Variants in CNNM3 observed in about 807,000 individuals in gnomAD.
CNNM3 encodes the protein cyclin and CBS domain divalent metal cation transport mediator 3, also known as metal transporter CNNM3.
In CNNM3, 47 loss-of-function variants were observed where a neutral mutation model predicts 57.1. The observed-to-expected ratio is 0.82, with a 90% CI of 0.65 to 1.05. CNNM3 has a LOEUF of 1.05. Among genes scored for constraint, CNNM3 ranks in the 50% least tolerant of loss-of-function variants. CNNM3 has a pLI of 0.00. For synonymous variants in CNNM3, 507 were observed against 478.2 expected, an observed-to-expected ratio of 1.06 and a Z score of -0.79; for missense variants, 957 against 973.7, an observed-to-expected ratio of 0.98 and a Z score of 0.23.
At chr2:96,817,578 G>A in intron 1 of CNNM3, 76 bp downstream of exon 1, 2 of 1,444,142 alleles carry the variant, frequency 1.4e-6, no homozygotes, top group Non-Finnish European at 1.9e-6. Flanking sequence ...AGTTATGGAA[G>A]CCTTCTGGAA....
chr2:96,828,554 GT>G lies in CNNM3; in HGVS notation c.1787-11del, dbSNP rs1559013515. ...AGCATGGCTCCTGCCATCACTGATT[GT>G]TCCTTTGATAGTTCACCAGTCCCCG... is the stretch of plus-strand genomic sequence containing the variant. On this transcript the variant is annotated splice_polypyrimidine_tract_variant and intron_variant, in intron 5 of 7. Coordinates refer to ENST00000305510, the MANE Select transcript of CNNM3 (RefSeq NM_017623.5). 6.2e-7 allele frequency: 1 copy of G among 1,614,114 alleles called. No homozygotes were observed. Among genetic ancestry groups the G allele is most frequent in the Non-Finnish European group, 8.5e-7 (1 of 1,179,988 alleles).
At position 96,826,860 on chromosome 2, in the gene CNNM3, CT is replaced by C. The variant is rs1374473609; in HGVS notation, c.1399del (p.Ser467LeufsTer2). ...GACACCGTGGTGAAGAGGAAGCCTG[CT>C]TCTCTGATGGCCCCTCTGAAGCGGA... ...YRDTVVKRKP[A>X]SLMAPLKRKE... On this transcript the variant is annotated frameshift_variant, in exon 3 of 8. Transcript: ENST00000305510. LOFTEE classifies it high-confidence loss of function. 1 of 1,614,246 alleles carries C rather than the reference CT, an allele frequency of 6.2e-7. No individual in the cohort carries two copies. The highest frequency in any genetic ancestry group is 1.7e-5 in the Admixed American group (1 of 60,026).
intron 1 of CNNM3, among the ~76,000 whole-genome samples, chr2:96,822,817 T>C (rs1196991831): frequency 6.6e-6 from 1 of 152,260 alleles, no homozygotes; most frequent in Non-Finnish European, 1.5e-5. Flanking sequence ...ATTAACATCA[T>C]AGAAATTGGG....
At position 96,833,062 on chromosome 2, in the gene CNNM3, T is replaced by C. The variant is rs1574119947; in HGVS notation, c.*446T>C. ...AACCTATCGCTGCTGGCAGCACTTT[T>C]TGAGCAAGCCGAGAGCACCCATTTT... On this transcript the variant is annotated 3_prime_UTR_variant, in exon 8 of 8. Transcript: ENST00000305510. 3 of 1,278,214 alleles carry C rather than the reference T, an allele frequency of 2.3e-6. No individual in the cohort carries two copies. The highest frequency in any genetic ancestry group is 1.1e-4 in the East Asian group (2 of 18,128). The allele number at this position is 1,278,214 out of a possible 1,614,324, so 79.2% of individuals were successfully genotyped here. A position where few individuals can be genotyped will look rare whatever the true frequency, so the allele number is the denominator to read the frequency against.
In CNNM3 at chr2:96,817,180, C is replaced by G; in HGVS notation, c.903C>G (p.Tyr301Ter). Residue 301 changes from tyrosine (Y) to a stop codon, truncating the protein, a stop_gained, in exon 1 of 8, where the codon TAC becomes TAG. Coordinates refer to ENST00000305510, the MANE Select transcript of CNNM3 (RefSeq NM_017623.5). LOFTEE classifies it high-confidence loss of function. ...TGGCGCGCGGCGGCGGCGACCCCTACAGCGATCTCAGCAAGGGCGTGCTGC... is the reference window on the plus strand; with the variant it reads ...TGGCGCGCGGCGGCGGCGACCCCTAGAGCGATCTCAGCAAGGGCGTGCTGC... ...LELARGGGDP[Y>*]SDLSKGVLRC... 6.4e-7 allele frequency: 1 copy of G among 1,554,648 alleles called. No individual in the cohort carries two copies. Among genetic ancestry groups the G allele is most frequent in the Non-Finnish European group, 8.6e-7 (1 of 1,156,368 alleles).
Position 96,833,308 on chromosome 2 carries a change from C to A in CNNM3, c.*692C>A. The stretch of plus-strand genomic sequence containing the variant: ...GAGGGCCCCTTTCTGCTTCTCTGCC[C>A]ACCTGCTGAGTTGCCACTCGCAGTG... On this transcript the variant is annotated 3_prime_UTR_variant, in exon 8 of 8. Coordinates refer to ENST00000305510, the MANE Select transcript of CNNM3 (RefSeq NM_017623.5). 3.3e-6 allele frequency: 1 copy of A among 307,088 alleles called. No homozygotes were observed. Among genetic ancestry groups the A allele is most frequent in the Non-Finnish European group, 6.4e-6 (1 of 155,380 alleles). The allele number at this position is 307,088 out of a possible 1,614,324, so 19.0% of individuals were successfully genotyped here.
In CNNM3 at chr2:96,825,174, G is replaced by A. The variant is rs770890063; in HGVS notation, c.1342G>A (p.Glu448Lys). The A allele has an allele frequency of 3.7e-6, 6 of 1,614,158 alleles. No individual in the cohort carries two copies. The Admixed American group carries it at 5.0e-5, about 13-fold the overall frequency. ...CGTGATCGAGGAGATCATCAGGTCC[G>A]AGATCCTGGACGAGTCTGAAGACTA... Reference protein sequence around the residue: ...EDVIEEIIRSEILDESEDYRD... With the variant: ...EDVIEEIIRSKILDESEDYRD... Residue 448 changes from glutamate to lysine, a missense_variant, in exon 2 of 8, where the codon GAG becomes AAG. Transcript: ENST00000305510.
chr2:96,832,167 T>A, intron 7 of CNNM3: 1 of 1,013,606 alleles, frequency 9.9e-7, no homozygotes, highest in Non-Finnish European at 1.2e-6. Context: ...GGGGGCATTT[T>A]TCTCCAGGGG....
intron 6 of CNNM3, 136 bp from the exon 7 acceptor site, chr2:96,828,860 G>T: frequency 6.8e-7 from 1 of 1,481,256 alleles, no homozygotes; most frequent in South Asian, 1.3e-5. Flanking sequence ...AAAAACACTT[G>T]ACTCAGTTGC....
downstream of CNNM3, chr2:96,837,198 T>C (rs971637183): frequency 6.6e-6 from 1 of 152,248 alleles, no homozygotes; most frequent in South Asian, 2.1e-4. Context: ...GCTATAAATT[T>C]GTATATGAAT....
chr2:96,827,647 C>T, intron 3 of CNNM3, 84 bp from the exon 4 acceptor site: 1 of 1,429,526 alleles, frequency 7.0e-7, no homozygotes, highest in Non-Finnish European at 9.6e-7. Context: ...GGCACAATAA[C>T]TTTAAATTGC....
At chr2:96,828,821 C>T in intron 6 of CNNM3, 121 bp downstream of exon 6, 1 of 1,488,112 alleles carries the variant, frequency 6.7e-7, no homozygotes, top group African/African-American at 1.4e-5. Context: ...GGACACAGAC[C>T]TTTGCACCCA....
intron 1 of CNNM3, 42 bp from the exon 2 acceptor site, chr2:96,825,016 G>T (rs1379471188): frequency 6.2e-7 from 1 of 1,609,006 alleles, no homozygotes; most frequent in East Asian, 2.2e-5. Context: ...TCAAACTGGG[G>T]GGGGCCCAGC....
rs760290230 is a variant in CNNM3, at chr2:96,817,515, G to C, written c.1225+13G>C. 6.2e-7 allele frequency: 1 copy of C among 1,604,182 alleles called. No individual in the cohort carries two copies. The highest frequency in any genetic ancestry group is 8.5e-7 in the Non-Finnish European group (1 of 1,173,764). On this transcript the variant is annotated intron_variant, in intron 1 of 7. Coordinates refer to ENST00000305510, the MANE Select transcript of CNNM3 (RefSeq NM_017623.5). ...GAATTCAAGCGAGGTAACGGCCCGG[G>C]CATGGTGCAGGGGACGCCCGTGCGA...
At chr2:96,820,572 G>A (rs1050653720) in intron 1 of CNNM3, among the ~76,000 whole-genome samples, 37 of 152,178 alleles carry the variant, frequency 2.4e-4, no homozygotes, top group African/African-American at 8.4e-4. Context: ...AGGAGTTCCC[G>A]AGATGCGGAA....
At chr2:96,819,381 C>T (rs1429025199) in intron 1 of CNNM3, among the ~76,000 whole-genome samples, 2 of 152,212 alleles carry the variant, frequency 1.3e-5, no homozygotes, top group Non-Finnish European at 2.9e-5. Flanking sequence ...GGTGCAAAGT[C>T]CTCTGCTGTT....
At position 96,834,321 on chromosome 2, in the gene CNNM3, T is replaced by TTTTA. The variant is rs1240824411; in HGVS notation, c.*1716_*1719dup. Among the ~76,000 whole-genome samples the TTTTA allele has an allele frequency of 1.4e-4, 20 of 145,326 alleles. No individual in the cohort carries two copies. The highest frequency in any genetic ancestry group is 2.4e-4 in the Non-Finnish European group (16 of 67,574). ...AGAGTCGGCATCAGAGTTTTCAATT[T>TTTTA]TTTATTTATTTATTATTATTATTAT... On this transcript the variant is annotated 3_prime_UTR_variant, in exon 8 of 8. Transcript: ENST00000305510.
chr2:96,829,946 C>T (rs1427862760), intron 7 of CNNM3, among the ~76,000 whole-genome samples: 5 of 152,212 alleles, frequency 3.3e-5, no homozygotes, highest in East Asian at 3.9e-4. Flanking sequence ...AATATTTAAG[C>T]GTGGCCCATC....
chr2:96,828,999 A>G lies in CNNM3; in HGVS notation c.1924A>G (p.Thr642Ala), dbSNP rs746309611. ...CAGTAACGCTGTCATCCTCCAGGTT[A>G]CGCGACTGCAGTACCTCAATGCACT... is the stretch of plus-strand genomic sequence containing the variant. ...ALSDLQLIKV[T>A]RLQYLNALLA... Residue 642 changes from threonine to alanine, a missense_variant, in exon 7 of 8, where the codon ACG becomes GCG. This residue lies in a region of CNNM3 where 491 missense variants were observed against 570.6 expected (regional missense o/e 0.86). Coordinates refer to ENST00000305510, the MANE Select transcript of CNNM3 (RefSeq NM_017623.5). 1.2e-6 allele frequency: 2 copies of G among 1,613,684 alleles called. No individual in the cohort carries two copies. The highest frequency in any genetic ancestry group is 2.2e-5 in the East Asian group (1 of 44,862).
Sources: allele counts gnomAD v4.1 joint callset (sites outside exome capture counted in the v4.1 genomes callset), GRCh38; gene constraint gnomAD v4.1.1; regional missense constraint gnomAD v4.1.1; transcripts MANE v1.5; gene names NCBI Gene and HGNC (gene_info 2026-07-23, HGNC 2026-07-21).